ACSS3: variants seen among roughly 807,000 people sequenced by gnomAD.
ACSS3 encodes the protein acyl-CoA synthetase short-chain family member 3, mitochondrial.
ACSS3 carries 64 observed loss-of-function variants against 84.2 expected under a neutral mutation model. The observed-to-expected ratio is 0.76, with a 90% CI of 0.62 to 0.94. The LOEUF (loss-of-function observed/expected upper bound fraction) is 0.94, where lower values mean the gene tolerates loss of function less well. ACSS3 is among the 40% of genes least tolerant of loss of function. ACSS3 has a pLI of 0.00. For missense variants in ACSS3, 815 were observed against 867.6 expected (o/e 0.94, Z 0.76); for synonymous variants, 317 against 310.1 (o/e 1.02, Z -0.23).
At chr12:81,127,327 C>T (rs73359332) in intron 2 of ACSS3, among the ~76,000 whole-genome samples, 1,788 of 152,132 alleles carry the variant, frequency 0.012, 40 homozygotes, top group African/African-American at 0.04. Context: ...CATTCCAGAT[C>T]TTAAGCAGTT....
intron 1 of ACSS3, among the ~76,000 whole-genome samples, chr12:81,089,463 C>T (rs910431498): frequency 1.3e-5 from 2 of 151,806 alleles, no homozygotes; most frequent in Non-Finnish European, 2.9e-5. Flanking sequence ...TTTTAGGAAT[C>T]CAGTGCAAGG....
chr12:81,177,088 C>G (rs933516947), intron 8 of ACSS3, among the ~76,000 whole-genome samples: 5 of 152,084 alleles, frequency 3.3e-5, no homozygotes, highest in African/African-American at 2.4e-5. Flanking sequence ...TCAATAGATG[C>G]AGAAAATGAC....
intron 2 of ACSS3, among the ~76,000 whole-genome samples, chr12:81,113,635 G>T (rs1426130081): frequency 6.6e-6 from 1 of 152,072 alleles, no homozygotes; most frequent in Non-Finnish European, 1.5e-5. Flanking sequence ...AAGAATAAAT[G>T]AATGAAATAC....
intron 7 of ACSS3, among the ~76,000 whole-genome samples, chr12:81,157,271 G>A (rs1234878715): frequency 1.3e-5 from 2 of 152,114 alleles, no homozygotes; most frequent in African/African-American, 4.8e-5. Flanking sequence ...CATATTAATT[G>A]ATGTAGAAAA....
chr12:81,197,853 C>T (rs1022472795), intron 8 of ACSS3, among the ~76,000 whole-genome samples: 2 of 151,978 alleles, frequency 1.3e-5, no homozygotes, highest in African/African-American at 2.4e-5. Context: ...ACTGCCTTGC[C>T]TTCCTATAAT....
intron 1 of ACSS3, among the ~76,000 whole-genome samples, chr12:81,106,476 A>C (rs1883009211): frequency 6.6e-6 from 1 of 152,172 alleles, no homozygotes; most frequent in South Asian, 2.1e-4. Context: ...ATAATAATAA[A>C]AATAAAGTGC....
chr12:81,188,275 G>A (rs2031382170), intron 8 of ACSS3, among the ~76,000 whole-genome samples: 1 of 151,790 alleles, frequency 6.6e-6, no homozygotes, highest in African/African-American at 2.4e-5. Context: ...AATATTTATG[G>A]TTTCAAGTTT....
chr12:81,079,208 T>C (rs925561623), intron 1 of ACSS3, among the ~76,000 whole-genome samples: 2 of 152,202 alleles, frequency 1.3e-5, no homozygotes, highest in African/African-American at 4.8e-5. Flanking sequence ...TAAGAAGTTA[T>C]AAGCATGATT....
intron 7 of ACSS3, among the ~76,000 whole-genome samples, chr12:81,166,212 A>G (rs796658800): frequency 5.9e-5 from 9 of 152,274 alleles, no homozygotes; most frequent in African/African-American, 1.9e-4. Flanking sequence ...TGATCAGAAT[A>G]TTGAGAAGGA....
At chr12:81,150,375 T>C (rs1252214266) in intron 5 of ACSS3, among the ~76,000 whole-genome samples, 1 of 152,212 alleles carries the variant, frequency 6.6e-6, no homozygotes, top group African/African-American at 2.4e-5. Context: ...TATAAAGTGT[T>C]TGCAAATTGA....
intron 8 of ACSS3, among the ~76,000 whole-genome samples, chr12:81,196,544 C>T: frequency 6.6e-6 from 1 of 151,908 alleles, no homozygotes; most frequent in Non-Finnish European, 1.5e-5. Context: ...ATTTGCAGCT[C>T]ACATTATATT....
chr12:81,189,590 T>C (rs1479043227), intron 8 of ACSS3, among the ~76,000 whole-genome samples: 1 of 152,142 alleles, frequency 6.6e-6, no homozygotes, highest in Admixed American at 6.6e-5. Flanking sequence ...CATACTTTAT[T>C]TTGGATCCAA....
chr12:81,255,153 A>C lies in ACSS3; in HGVS notation c.*231A>C. The C allele has an allele frequency of 2.7e-6, 1 of 375,182 alleles. No homozygotes were observed. The highest frequency in any genetic ancestry group is 4.7e-6 in the Non-Finnish European group (1 of 210,720). 23.2% of individuals were successfully genotyped at this position (375,182 alleles called of 1,614,324 possible). Reference sequence around the variant, plus strand: ...AGTTATCTATAACATGGCTTATTGAATGTCATCTACTGCTTTAGGAAAAAC... The same window carrying C: ...AGTTATCTATAACATGGCTTATTGACTGTCATCTACTGCTTTAGGAAAAAC... On this transcript the variant is annotated 3_prime_UTR_variant, in exon 16 of 16. Coordinates refer to ENST00000548058, the MANE Select transcript of ACSS3 (RefSeq NM_024560.4).
intron 2 of ACSS3, among the ~76,000 whole-genome samples, chr12:81,111,308 T>G (rs1324144239): frequency 6.6e-6 from 1 of 152,172 alleles, no homozygotes. Context: ...TCTGTCATGC[T>G]GAACCCCTAT....
chr12:81,094,184 C>CTGTA (rs1651308343), intron 1 of ACSS3, among the ~76,000 whole-genome samples: 2 of 146,668 alleles, frequency 1.4e-5, no homozygotes, highest in South Asian at 4.3e-4. Flanking sequence ...GTCTCTCTCT[C>CTGTA]TGTGTGTGTG....
chr12:81,220,961 G>A (rs1593214305), intron 11 of ACSS3, among the ~76,000 whole-genome samples: 1 of 152,028 alleles, frequency 6.6e-6, no homozygotes, highest in East Asian at 1.9e-4. Context: ...GAGATTTCTG[G>A]AAGTATAATT....
intron 1 of ACSS3, among the ~76,000 whole-genome samples, chr12:81,080,264 G>A (rs1373115793): frequency 6.6e-6 from 1 of 152,014 alleles, no homozygotes; most frequent in Non-Finnish European, 1.5e-5. Context: ...AGCTTTGGAA[G>A]TGAGTGTCAA....
intron 2 of ACSS3, among the ~76,000 whole-genome samples, chr12:81,131,984 A>G (rs1157154417): frequency 2.0e-5 from 3 of 152,162 alleles, no homozygotes; most frequent in Non-Finnish European, 4.4e-5. Flanking sequence ...AGCCAACTTG[A>G]TCATGGTGGA....
intron 7 of ACSS3, among the ~76,000 whole-genome samples, chr12:81,154,547 C>T (rs768030618): frequency 6.6e-6 from 1 of 152,194 alleles, no homozygotes; most frequent in Non-Finnish European, 1.5e-5. Flanking sequence ...GTCTTTTAGA[C>T]CTTTGCCTGC....
Sources: gnomAD v4.1 joint callset for allele counts (sites outside exome capture counted in the v4.1 genomes callset) on GRCh38, gnomAD v4.1.1 for gene constraint, MANE v1.5 for transcripts, NCBI Gene and HGNC (gene_info 2026-07-23, HGNC 2026-07-21) for gene names.